EXOC5: variants seen among roughly 807,000 people sequenced by gnomAD.
The protein encoded by EXOC5 is SEC10-like 1.
Under a neutral mutation model 90.8 loss-of-function variants are expected in EXOC5, and 17 were observed. The ratio of observed to expected loss-of-function variants is 0.19; its 90% CI spans 0.13 to 0.28. The LOEUF is 0.28. Ranked by LOEUF, EXOC5 falls within the 10% of genes least tolerant of loss-of-function variation. The pLI, the probability that EXOC5 is intolerant of heterozygous loss-of-function variation, is 1.00. For synonymous variants in EXOC5, 260 were observed against 270.0 expected (o/e 0.96, Z 0.36); for missense variants, 569 against 830.6 (o/e 0.69, Z 3.87).
rs1305792415 is a variant in EXOC5 at position 57,244,434 on chromosome 14, TACTA to T, written c.271-79_271-76del. ...TAATCTAAACTACTACTCTTATTGC[TACTA>T]ACTAAAGATAACAGAAGTTATATAC... On this transcript the variant is annotated intron_variant, in intron 3 of 17. Transcript: ENST00000621441. 1.4e-5 allele frequency: 14 copies of T among 1,005,430 alleles called. No homozygotes were observed. In the Admixed American group the frequency reaches 2.5e-4, roughly 18 times the overall value. The allele number at this position is 1,005,430 out of a possible 1,614,324, so 62.3% of individuals were successfully genotyped here. A position where few individuals can be genotyped will look rare whatever the true frequency, so the allele number is the denominator to read the frequency against.
chr14:57,202,627 ATAAC>A lies in EXOC5; in HGVS notation c.*5978_*5981del, dbSNP rs1352956717. 1.3e-5 allele frequency: 2 copies of A among 152,228 alleles called. No homozygotes were observed. The highest frequency in any genetic ancestry group is 4.8e-5 in the African/African-American group (2 of 41,458). The allele number at this position is 152,228 out of a possible 1,614,324, so 9.4% of individuals were successfully genotyped here. ...TTGATAAAGGAATTCAATGTGATAT[ATAAC>A]TAAGAAAACATAATGTTAATCATGG... On this transcript the variant is annotated 3_prime_UTR_variant, in exon 18 of 18. Transcript: ENST00000621441.
Position 57,268,623 on chromosome 14 carries a change from T to C in EXOC5, c.26A>G (p.Glu9Gly). ...CCCTGTAGAGCCGCCGGGGCCCACC[T>C]CGAAGAGCTCGGCCGTGGTAGCCAT... The part of the protein sequence containing the change: MATTAELF[E>G]EPFVADEYIE... Residue 9 changes from glutamate to glycine, a missense_variant and splice_region_variant, in exon 1 of 18, where the codon GAG becomes GGG. Glu to Gly is a moderately conservative substitution (Grantham distance 98). Coordinates refer to ENST00000621441, the MANE Select transcript of EXOC5 (RefSeq NM_006544.4). 2 of 1,590,486 alleles carry C rather than the reference T, an allele frequency of 1.3e-6. No individual in the cohort carries two copies. The highest frequency in any genetic ancestry group is 1.7e-6 in the Non-Finnish European group (2 of 1,174,132).
chr14:57,237,514 T>C lies in EXOC5; in HGVS notation c.531-148A>G, dbSNP rs1980783. 64,229 of 530,600 alleles carry C rather than the reference T, an allele frequency of 0.12. 12,907 individuals are homozygous for C. The highest frequency in any genetic ancestry group is 0.68 in the African/African-American group (33,774 of 49,732). 32.9% of individuals were successfully genotyped at this position (530,600 alleles called of 1,614,324 possible). On this transcript the variant is annotated intron_variant, in intron 5 of 17. Coordinates refer to ENST00000621441, the MANE Select transcript of EXOC5 (RefSeq NM_006544.4). ...CAACTTTTCTGTAAATCCAAAACCA[T>C]TATAAAGTTAAAAGGTTATTGTAAA...
chr14:57,242,740 G>T (rs1418910001), intron 4 of EXOC5, among the ~76,000 whole-genome samples: 2 of 152,158 alleles, frequency 1.3e-5, no homozygotes, highest in Non-Finnish European at 2.9e-5. Flanking sequence ...ACAGCTAGGA[G>T]TTTATCTAAT....
rs1174672330 is a variant in EXOC5 at position 57,201,168 on chromosome 14, T to C, written c.*7441A>G. 7 of 151,922 alleles carry C rather than the reference T, an allele frequency of 4.6e-5. No individual in the cohort carries two copies. Among genetic ancestry groups the C allele is most frequent in the Non-Finnish European group, 1.0e-4 (7 of 67,994 alleles). 9.4% of individuals were successfully genotyped at this position (151,922 alleles called of 1,614,324 possible). On this transcript the variant is annotated 3_prime_UTR_variant, in exon 18 of 18. Coordinates refer to ENST00000621441, the MANE Select transcript of EXOC5 (RefSeq NM_006544.4). ...CTTGATTTCTAACTGCCAATTTCAC[T>C]AAAAGGTGGAGGAATGGCTGATTCC... is the stretch of plus-strand genomic sequence containing the variant.
intron 1 of EXOC5, among the ~76,000 whole-genome samples, chr14:57,251,191 A>C (rs1246899183): frequency 6.6e-6 from 1 of 152,216 alleles, no homozygotes; most frequent in Non-Finnish European, 1.5e-5. Context: ...GCAGCTACCC[A>C]GGTCCCACCC....
At chr14:57,208,879 G>T in intron 17 of EXOC5, 82 bp from the exon 18 acceptor site, 2 of 899,720 alleles carry the variant, frequency 2.2e-6, no homozygotes, top group Non-Finnish European at 3.4e-6. Context: ...TTTACATACT[G>T]TCAGGTGGGA....
At chr14:57,211,916 G>A (rs1882839989) in intron 15 of EXOC5, among the ~76,000 whole-genome samples, 1 of 152,158 alleles carries the variant, frequency 6.6e-6, no homozygotes, top group Non-Finnish European at 1.5e-5. Flanking sequence ...AGGCTGGAAT[G>A]CAGTGTGATG....
chr14:57,241,244 T>G (rs1181601989), intron 4 of EXOC5, among the ~76,000 whole-genome samples: 4 of 152,218 alleles, frequency 2.6e-5, no homozygotes, highest in Non-Finnish European at 5.9e-5. Context: ...TGCTCCAAAT[T>G]ATAGTGAATA....
chr14:57,247,583 T>A, intron 2 of EXOC5, 35 bp downstream of exon 2: 1 of 982,658 alleles, frequency 1.0e-6, no homozygotes, highest in Non-Finnish European at 1.5e-6. Flanking sequence ...GTGTACCAGA[T>A]TAGATCTGTG....
intron 4 of EXOC5, among the ~76,000 whole-genome samples, chr14:57,243,893 G>T (rs912600863): frequency 2.6e-5 from 4 of 151,974 alleles, no homozygotes; most frequent in African/African-American, 7.3e-5. Flanking sequence ...ATGGTAAAGA[G>T]ATATTTATGA....
intron 13 of EXOC5, 91 bp downstream of exon 13, chr14:57,222,215 CAG>C (rs992399854): frequency 1.7e-6 from 1 of 599,796 alleles, no homozygotes; most frequent in Non-Finnish European, 2.9e-6. Flanking sequence ...ATTTGAGACA[CAG>C]AGATGATTAT....
At chr14:57,224,012 A>G (rs542291602) in intron 12 of EXOC5, among the ~76,000 whole-genome samples, 1 of 152,230 alleles carries the variant, frequency 6.6e-6, no homozygotes, top group African/African-American at 2.4e-5. Flanking sequence ...TTTGAACTGA[A>G]TAAAAATAAA....
At position 57,203,389 on chromosome 14, in the gene EXOC5, T is replaced by G. The variant is rs1882557606; in HGVS notation, c.*5220A>C. The stretch of plus-strand genomic sequence containing the variant: ...AGGAAGGCTTCTCACCTCTCAAAGT[T>G]TAATCTCAAAACTCTGGAAGTCCAC... On this transcript the variant is annotated 3_prime_UTR_variant, in exon 18 of 18. Coordinates refer to ENST00000621441, the MANE Select transcript of EXOC5 (RefSeq NM_006544.4). The G allele has an allele frequency of 6.6e-6, 1 of 152,192 alleles. No individual in the cohort carries two copies. Among genetic ancestry groups the G allele is most frequent in the Non-Finnish European group, 1.5e-5 (1 of 68,034 alleles). The allele number at this position is 152,192 out of a possible 1,614,324, so 9.4% of individuals were successfully genotyped here. A position where few individuals can be genotyped will look rare whatever the true frequency, so the allele number is the denominator to read the frequency against.
At chr14:57,248,126 C>A in intron 1 of EXOC5, among the ~76,000 whole-genome samples, 2 of 148,586 alleles carry the variant, frequency 1.3e-5, no homozygotes, top group Admixed American at 6.7e-5. Context: ...ATGAGCAAGG[C>A]AAGAAAGGAT....
intron 15 of EXOC5, among the ~76,000 whole-genome samples, chr14:57,215,916 A>G (rs555891614): frequency 1.3e-5 from 2 of 152,286 alleles, no homozygotes; most frequent in South Asian, 4.1e-4. Flanking sequence ...ATGATCTTAG[A>G]TAGAGAAAAC....
intron 14 of EXOC5, among the ~76,000 whole-genome samples, chr14:57,218,757 A>G (rs1420013156): frequency 1.3e-5 from 2 of 152,086 alleles, no homozygotes; most frequent in African/African-American, 4.8e-5. Flanking sequence ...AAAATTTTAT[A>G]TGAGTATTTT....
chr14:57,263,476 C>CA (rs1472629950), intron 1 of EXOC5, among the ~76,000 whole-genome samples: 3 of 150,904 alleles, frequency 2.0e-5, no homozygotes, highest in South Asian at 2.1e-4. Flanking sequence ...TCTCAAAAAA[C>CA]AAAAAAACTG....
chr14:57,235,962 G>T (rs1023841029), intron 6 of EXOC5, 142 bp from the exon 7 acceptor site: 3 of 588,520 alleles, frequency 5.1e-6, no homozygotes, highest in South Asian at 2.2e-5. Flanking sequence ...ATTATAGGCC[G>T]TGAACCCAGC....
Sources: allele counts gnomAD v4.1 joint callset (sites outside exome capture counted in the v4.1 genomes callset), GRCh38; gene constraint gnomAD v4.1.1; transcripts MANE v1.5; gene names NCBI Gene and HGNC (gene_info 2026-07-23, HGNC 2026-07-21).